Variants in MSI2 observed in about 807,000 individuals in gnomAD.
MSI2 encodes the protein musashi RNA binding protein 2, also known as RNA-binding protein Musashi homolog 2.
In MSI2, 17 loss-of-function variants were observed where a neutral mutation model predicts 45.6. The ratio of observed to expected loss-of-function variants is 0.37; its 90% confidence interval spans 0.26 to 0.56. The LOEUF is 0.56. Ranked by LOEUF, MSI2 falls within the 20% of genes least tolerant of loss-of-function variation. The probability of loss-of-function intolerance (pLI) is 0.77; values close to 1 mark genes in which losing one functional copy is unlikely to be tolerated. For missense variants in MSI2, 293 were observed against 444.2 expected, an observed-to-expected ratio of 0.66 and a Z score of 3.06; for synonymous variants, 156 against 158.2, an observed-to-expected ratio of 0.99 and a Z score of 0.11.
intron 9 of MSI2, among the ~76,000 whole-genome samples, chr17:57,624,829 G>T (rs1269675197): frequency 6.6e-6 from 1 of 152,074 alleles, no homozygotes; most frequent in Non-Finnish European, 1.5e-5. Context: ...GCTTTCTACA[G>T]GTGACAAGAC....
chr17:57,692,828 CCTCT>C, the MSI2 span, among the ~76,000 whole-genome samples: 17 of 150,018 alleles, frequency 1.1e-4, no homozygotes, highest in Non-Finnish European at 1.6e-4. Flanking sequence ...CTTAATTTTA[CCTCT>C]CTCTCTCTTT....
chr17:57,510,654 C>A (rs2086334874), intron 6 of MSI2, among the ~76,000 whole-genome samples: 1 of 152,146 alleles, frequency 6.6e-6, no homozygotes, highest in South Asian at 2.1e-4. Context: ...TCTCAAACTC[C>A]TGACCTCAGG....
intron 11 of MSI2, among the ~76,000 whole-genome samples, chr17:57,669,207 C>T (rs1912593353): frequency 6.6e-6 from 1 of 152,252 alleles, no homozygotes; most frequent in East Asian, 1.9e-4. Flanking sequence ...TCAGAGGACA[C>T]ATGAAGGAAA....
downstream of MSI2, among the ~76,000 whole-genome samples, chr17:57,686,013 A>G (rs1913869826): frequency 6.6e-6 from 1 of 152,236 alleles, no homozygotes; most frequent in South Asian, 2.1e-4. Context: ...TGCCCTGCTT[A>G]GTCCCACCTG....
At chr17:57,435,391 T>A (rs1245860735) in intron 6 of MSI2, among the ~76,000 whole-genome samples, 2 of 152,182 alleles carry the variant, frequency 1.3e-5, no homozygotes, top group African/African-American at 4.8e-5. Context: ...CAGAGCCTTG[T>A]GAACCAGGGG....
intron 5 of MSI2, among the ~76,000 whole-genome samples, chr17:57,334,678 C>T (rs1914549205): frequency 6.6e-6 from 1 of 151,946 alleles, no homozygotes; most frequent in African/African-American, 2.4e-5. Context: ...CCTGTGATCC[C>T]AGGTACTCGG....
chr17:57,286,585 G>A (rs552627682), intron 5 of MSI2, among the ~76,000 whole-genome samples: 106 of 152,096 alleles, frequency 7.0e-4, no homozygotes, highest in Admixed American at 6.8e-3. Context: ...TGTGCTTCTC[G>A]GAGGTGACCA....
At chr17:57,670,839 G>C (rs959801160) in intron 11 of MSI2, among the ~76,000 whole-genome samples, 2 of 152,178 alleles carry the variant, frequency 1.3e-5, no homozygotes, top group Non-Finnish European at 2.9e-5. Context: ...GGGTGTATTT[G>C]TTTTAAACTT....
chr17:57,394,443 A>T (rs2083853144), intron 5 of MSI2, among the ~76,000 whole-genome samples: 1 of 152,220 alleles, frequency 6.6e-6, no homozygotes, highest in Non-Finnish European at 1.5e-5. Flanking sequence ...TGGCCCACAG[A>T]TGATCTACAG....
chr17:57,395,858 C>T (rs2083878534), intron 5 of MSI2, among the ~76,000 whole-genome samples: 1 of 152,220 alleles, frequency 6.6e-6, no homozygotes, highest in African/African-American at 2.4e-5. Context: ...CCTGGGAAAG[C>T]TGTCCTCCTA....
intron 5 of MSI2, chr17:57,267,036 TGGCA>T (rs1391546248): frequency 2.6e-5 from 4 of 152,408 alleles, no homozygotes; most frequent in Non-Finnish European, 5.9e-5. Context: ...AGTGGTTTCT[TGGCA>T]GCTTCTCAAG....
At chr17:57,545,997 C>CGTCAGGGCT (rs2087158052) in intron 7 of MSI2, among the ~76,000 whole-genome samples, 1 of 152,160 alleles carries the variant, frequency 6.6e-6, no homozygotes. Context: ...CTTATCATCC[C>CGTCAGGGCT]GTCAGGGCTC....
At chr17:57,372,081 T>C (rs2143966377) in intron 5 of MSI2, among the ~76,000 whole-genome samples, 1 of 152,274 alleles carries the variant, frequency 6.6e-6, no homozygotes, top group South Asian at 2.1e-4. Flanking sequence ...ATTACTGTTT[T>C]TGTAAAAATG....
downstream of MSI2, among the ~76,000 whole-genome samples, chr17:57,686,801 CAGTT>C (rs1913893708): frequency 1.3e-5 from 2 of 150,110 alleles, no homozygotes; most frequent in African/African-American, 2.5e-5. Flanking sequence ...AATAAAAATA[CAGTT>C]AGAGAGATTA....
intron 5 of MSI2, among the ~76,000 whole-genome samples, chr17:57,373,886 A>C (rs372464862): frequency 1.6e-4 from 25 of 152,354 alleles, no homozygotes; most frequent in African/African-American, 5.5e-4. Context: ...AGAATATACT[A>C]CTTTCCCTTT....
intron 6 of MSI2, among the ~76,000 whole-genome samples, chr17:57,521,772 G>A (rs1340768750): frequency 6.6e-6 from 1 of 152,086 alleles, no homozygotes; most frequent in Non-Finnish European, 1.5e-5. Context: ...TCCTCTTTCG[G>A]GCTGCCCACT....
chr17:57,260,597 A>G (rs1907217440), intron 4 of MSI2, among the ~76,000 whole-genome samples: 2 of 152,194 alleles, frequency 1.3e-5, no homozygotes, highest in South Asian at 4.1e-4. Context: ...TTTCTCTTGT[A>G]GACAAGCGCT....
At chr17:57,414,248 A>T (rs964750963) in intron 6 of MSI2, among the ~76,000 whole-genome samples, 2 of 152,092 alleles carry the variant, frequency 1.3e-5, no homozygotes, top group African/African-American at 2.4e-5. Flanking sequence ...GGGTCTGTTT[A>T]CTCACCCTGT....
intron 6 of MSI2, among the ~76,000 whole-genome samples, chr17:57,421,947 A>G (rs985429252): frequency 6.6e-6 from 1 of 152,218 alleles, no homozygotes; most frequent in African/African-American, 2.4e-5. Flanking sequence ...TTTATGCTGC[A>G]GTGTTTGACA....
Sources: gnomAD v4.1 joint callset for allele counts (sites outside exome capture counted in the v4.1 genomes callset) on GRCh38, gnomAD v4.1.1 for gene constraint, MANE v1.5 for transcripts, NCBI Gene and HGNC (gene_info 2026-07-23, HGNC 2026-07-21) for gene names.